CCNY: variants seen among roughly 807,000 people sequenced by gnomAD.
CCNY encodes the protein cyclin-Y.
A neutral mutation model predicts 42.8 loss-of-function variants in CCNY; 19 were observed. The ratio of observed to expected loss-of-function variants is 0.44; its 90% CI spans 0.31 to 0.65. CCNY has a LOEUF of 0.65. CCNY is among the 30% of genes least tolerant of loss of function. The pLI is 0.07. For synonymous variants in CCNY, 165 were observed against 162.7 expected (o/e 1.01, Z -0.11); for missense variants, 370 against 437.3 (o/e 0.85, Z 1.37).
At chr10:35,556,305 A>C (rs1841361619) in intron 8 of CCNY, among the ~76,000 whole-genome samples, 1 of 152,174 alleles carries the variant, frequency 6.6e-6, no homozygotes, top group Non-Finnish European at 1.5e-5. Context: ...TGGAGAGCAG[A>C]TCATGGGGAG....
At chr10:35,373,440 C>T (rs1836982029) in intron 1 of CCNY, among the ~76,000 whole-genome samples, 1 of 152,124 alleles carries the variant, frequency 6.6e-6, no homozygotes, top group Non-Finnish European at 1.5e-5. Context: ...CCTCCCACCC[C>T]ACTTATGTTG....
intron 3 of CCNY, among the ~76,000 whole-genome samples, chr10:35,275,868 C>T (rs180955484): frequency 6.6e-4 from 101 of 152,298 alleles, no homozygotes; most frequent in African/African-American, 2.2e-3. Flanking sequence ...ATGGACCACA[C>T]GGCCCCAGCC....
intron 2 of CCNY, among the ~76,000 whole-genome samples, chr10:35,498,988 T>G (rs1262722006): frequency 6.6e-6 from 1 of 152,222 alleles, no homozygotes; most frequent in Non-Finnish European, 1.5e-5. Flanking sequence ...TAGTGAACTT[T>G]CGTTTTTCTT....
intron 1 of CCNY, among the ~76,000 whole-genome samples, chr10:35,247,736 C>T (rs571099329): frequency 4.0e-5 from 6 of 150,540 alleles, no homozygotes; most frequent in South Asian, 4.2e-4. Flanking sequence ...ATTAGCTGGG[C>T]GTGGTGGTGG....
intron 1 of CCNY, among the ~76,000 whole-genome samples, chr10:35,343,100 T>C (rs1836221513): frequency 6.7e-6 from 1 of 148,870 alleles, no homozygotes; most frequent in African/African-American, 2.5e-5. Flanking sequence ...CCTCCCAGGC[T>C]CAAGTAATTC....
intron 8 of CCNY, among the ~76,000 whole-genome samples, chr10:35,565,212 G>A (rs759856642): frequency 9.9e-5 from 15 of 152,206 alleles, no homozygotes; most frequent in Non-Finnish European, 1.6e-4. Context: ...TAGATGGGTT[G>A]GCAGGGTGGA....
At chr10:35,539,611 A>G (rs932052033) in intron 7 of CCNY, among the ~76,000 whole-genome samples, 10 of 152,104 alleles carry the variant, frequency 6.6e-5, no homozygotes, top group Non-Finnish European at 1.2e-4. Context: ...ATATGGTGAA[A>G]CCCCATCTCT....
At chr10:35,521,317 T>G (rs1414803596) in intron 4 of CCNY, among the ~76,000 whole-genome samples, 2 of 152,210 alleles carry the variant, frequency 1.3e-5, no homozygotes, top group Admixed American at 1.3e-4. Flanking sequence ...AGTTGGGCAC[T>G]CCGGGTCCCC....
At chr10:35,568,788 G>A (rs950219723) in intron 9 of CCNY, among the ~76,000 whole-genome samples, 1 of 152,248 alleles carries the variant, frequency 6.6e-6, no homozygotes, top group East Asian at 1.9e-4. Context: ...GTTGACCCTG[G>A]TCGGGCCGAC....
intron 8 of CCNY, among the ~76,000 whole-genome samples, chr10:35,563,481 C>G (rs1415935615): frequency 2.6e-5 from 4 of 152,134 alleles, no homozygotes; most frequent in African/African-American, 9.7e-5. Context: ...GCCTGTTGAC[C>G]ACCAGACGGC....
At chr10:35,343,190 G>C (rs188593913) in intron 1 of CCNY, among the ~76,000 whole-genome samples, 137 of 151,786 alleles carry the variant, frequency 9.0e-4, no homozygotes, top group African/African-American at 3.1e-3. Context: ...TTTTAGTAGA[G>C]ATGGGGTTTC....
intron 3 of CCNY, among the ~76,000 whole-genome samples, chr10:35,298,114 C>G (rs1835492650): frequency 6.6e-6 from 1 of 151,976 alleles, no homozygotes. Context: ...CTACAGTAAC[C>G]AAAACAGCAT....
chr10:35,416,240 T>G (rs946842931), intron 1 of CCNY, among the ~76,000 whole-genome samples: 1 of 151,908 alleles, frequency 6.6e-6, no homozygotes, highest in Non-Finnish European at 1.5e-5. Flanking sequence ...CCGTGTACTT[T>G]GATGATGCTG....
At chr10:35,532,923 A>G (rs776918380) in intron 7 of CCNY, among the ~76,000 whole-genome samples, 2 of 152,220 alleles carry the variant, frequency 1.3e-5, no homozygotes, top group African/African-American at 2.4e-5. Flanking sequence ...AGAAGGAGAT[A>G]TATTGGAAGG....
intron 1 of CCNY, among the ~76,000 whole-genome samples, chr10:35,433,800 AG>A (rs1158662233): frequency 6.6e-6 from 1 of 152,044 alleles, no homozygotes; most frequent in African/African-American, 2.4e-5. Context: ...GTAGAGATAG[AG>A]TTTCACCATG....
intron 3 of CCNY, among the ~76,000 whole-genome samples, chr10:35,506,928 G>A (rs1840227057): frequency 6.6e-6 from 1 of 152,184 alleles, no homozygotes; most frequent in Admixed American, 6.5e-5. Flanking sequence ...TGTGGGGAAG[G>A]AGCTGTTCTC....
chr10:35,501,374 A>C, intron 2 of CCNY, 127 bp from the exon 3 acceptor site: 1 of 741,576 alleles, frequency 1.3e-6, no homozygotes, highest in South Asian at 1.5e-5. Flanking sequence ...ATGTTTGATA[A>C]ATGAGCAAGT....
At chr10:35,492,113 CCT>C (rs1434777807) in intron 2 of CCNY, among the ~76,000 whole-genome samples, 1 of 152,132 alleles carries the variant, frequency 6.6e-6, no homozygotes, top group African/African-American at 2.4e-5. Context: ...TCCATCATGT[CCT>C]CTCTCAAACC....
At chr10:35,526,049 G>A (rs1445456178) in intron 5 of CCNY, 50 bp downstream of exon 5, 1 of 1,510,622 alleles carries the variant, frequency 6.6e-7, no homozygotes, top group Non-Finnish European at 9.1e-7. Flanking sequence ...CTTCTGTTAT[G>A]TTGTTCCTAT....
Sources: allele counts gnomAD v4.1 joint callset (sites outside exome capture counted in the v4.1 genomes callset), GRCh38; gene constraint gnomAD v4.1.1; transcripts MANE v1.5; gene names NCBI Gene and HGNC (gene_info 2026-07-23, HGNC 2026-07-21).